TNIP1: variants seen among roughly 807,000 people sequenced by gnomAD.
The protein encoded by TNIP1 is TNFAIP3 interacting protein 1.
A neutral mutation model predicts 86.6 loss-of-function variants in TNIP1; 22 were observed. The observed-to-expected ratio is 0.25, with a 90% CI of 0.18 to 0.36. The LOEUF is 0.36. Ranked by LOEUF, TNIP1 falls within the 10% of genes least tolerant of loss-of-function variation. The pLI is 1.00. For synonymous variants in TNIP1, 294 were observed against 313.0 expected (o/e 0.94, Z 0.64); for missense variants, 709 against 820.6 (o/e 0.86, Z 1.66).
chr5:151,069,068 T>C (rs563038714), intron 1 of TNIP1, among the ~76,000 whole-genome samples: 2 of 152,150 alleles, frequency 1.3e-5, no homozygotes, highest in East Asian at 3.9e-4. Context: ...AGACGGCAGG[T>C]CAGGCAACAA....
intron 1 of TNIP1, among the ~76,000 whole-genome samples, chr5:151,073,117 G>A (rs1474728026): frequency 6.6e-6 from 1 of 151,960 alleles, no homozygotes; most frequent in Non-Finnish European, 1.5e-5. Context: ...AGCTACTGGG[G>A]AGGCTGAGGT....
intron 8 of TNIP1, among the ~76,000 whole-genome samples, chr5:151,048,245 G>C (rs1369851284): frequency 6.6e-6 from 1 of 152,200 alleles, no homozygotes; most frequent in Non-Finnish European, 1.5e-5. Context: ...CCGCGAGGGA[G>C]AGAGGAGTCC....
Position 151,036,349 on chromosome 5 carries a change from G to A in TNIP1, c.1395+441C>T, listed in dbSNP as rs559811154. Among the ~76,000 whole-genome samples, 103 of 152,274 alleles carry A rather than the reference G, an allele frequency of 6.8e-4. 1 individual carries two copies. The highest frequency in any genetic ancestry group is 2.4e-3 in the African/African-American group (101 of 41,554). ...ACCTGCCAATCTCCTTTAAATAAAGGAGAAAAGAACTCCAGTTCAGAGTCT... is the reference window on the plus strand; with the variant it reads ...ACCTGCCAATCTCCTTTAAATAAAGAAGAAAAGAACTCCAGTTCAGAGTCT... On this transcript the variant is annotated intron_variant, in intron 13 of 17. Transcript: ENST00000521591.
intron 16 of TNIP1, chr5:151,032,644 CATACTAT>C (rs1757053339): frequency 1.0e-5 from 5 of 501,620 alleles, no homozygotes; most frequent in Non-Finnish European, 1.8e-5. Context: ...TCTTAAGCGC[CATACTAT>C]ATACTCTGGT....
intron 14 of TNIP1, 146 bp downstream of exon 14, chr5:151,035,436 G>T: frequency 8.6e-7 from 1 of 1,161,060 alleles, no homozygotes; most frequent in Non-Finnish European, 1.2e-6. Flanking sequence ...GAGAGGGGAA[G>T]GGCCTTGCCG....
At chr5:151,087,619 C>T (rs1362478497), upstream of TNIP1, 2 of 152,202 alleles carry the variant, frequency 1.3e-5, no homozygotes, top group African/African-American at 4.8e-5. Context: ...TGAGGCTTCT[C>T]CATCCATAGT....
At chr5:151,049,980 C>T (rs769415553) in intron 7 of TNIP1, 33 bp from the exon 8 acceptor site, 1 of 1,613,080 alleles carries the variant, frequency 6.2e-7, no homozygotes, top group Non-Finnish European at 8.5e-7. Flanking sequence ...AATCACAATG[C>T]TGACCCTGAG....
chr5:151,083,901 G>A (rs916998525), upstream of TNIP1, among the ~76,000 whole-genome samples: 12 of 152,160 alleles, frequency 7.9e-5, no homozygotes, highest in Admixed American at 1.3e-4. Flanking sequence ...TGCTATCTCC[G>A]CGCTTTTATT....
chr5:151,057,842 G>C (rs1760880527), intron 5 of TNIP1, among the ~76,000 whole-genome samples: 1 of 152,192 alleles, frequency 6.6e-6, no homozygotes, highest in Non-Finnish European at 1.5e-5. Context: ...GTAATCTAGA[G>C]ATGATTTAAA....
intron 1 of TNIP1, among the ~76,000 whole-genome samples, chr5:151,071,667 C>T (rs1162931588): frequency 1.3e-5 from 2 of 152,160 alleles, no homozygotes; most frequent in Non-Finnish European, 2.9e-5. Flanking sequence ...CCTCAGCTGA[C>T]ATCCGCAGCC....
intron 5 of TNIP1, among the ~76,000 whole-genome samples, chr5:151,059,510 A>G (rs940600386): frequency 1.3e-5 from 2 of 152,240 alleles, no homozygotes; most frequent in African/African-American, 4.8e-5. Flanking sequence ...GGGAGGCAGC[A>G]GGGATCAATA....
rs193208475 is a variant in TNIP1 at position 151,041,163 on chromosome 5, C to T, written c.1134+1377G>A. 5.0e-3 allele frequency among the ~76,000 whole-genome samples: 764 copies of T among 152,000 alleles called. 7 individuals are homozygous for T. Among genetic ancestry groups the T allele is most frequent in the African/African-American group, 0.018 (731 of 41,438 alleles). The stretch of plus-strand genomic sequence containing the variant: ...TCAGCTCACTGCAACCTCCGCCTCC[C>T]GGGTTCAAGCGATTCTCGTGCCTCA... On this transcript the variant is annotated intron_variant, in intron 11 of 17. Transcript: ENST00000521591.
chr5:151,063,642 C>A lies in TNIP1; in HGVS notation c.242G>T (p.Gly81Val), dbSNP rs1458463016. Residue 81 changes from glycine to valine, a missense_variant, in exon 3 of 18, where the codon GGC becomes GTC. Physicochemically the swap from Gly to Val is moderately radical, Grantham distance 109. Transcript: ENST00000521591. ...ELLPPPSPSLGSFDPLAELTG... is the reference protein window; with the variant it reads ...ELLPPPSPSLVSFDPLAELTG... Reference sequence around the variant, plus strand: ...GAGCTCAGCCAGGGGGTCGAAGGAGCCCAAGGAGGGAGAAGGTGGTGGGAG... The same window carrying A: ...GAGCTCAGCCAGGGGGTCGAAGGAGACCAAGGAGGGAGAAGGTGGTGGGAG... 6.2e-7 allele frequency: 1 copy of A among 1,614,062 alleles called. No individual in the cohort carries two copies. The highest frequency in any genetic ancestry group is 1.1e-5 in the South Asian group (1 of 91,074).
chr5:151,055,689 G>A (rs1760567060), intron 6 of TNIP1, among the ~76,000 whole-genome samples: 1 of 152,148 alleles, frequency 6.6e-6, no homozygotes, highest in Non-Finnish European at 1.5e-5. Context: ...GGCAACCAAG[G>A]TCACGCAAGG....
rs375194956 is a variant in TNIP1, at chr5:151,030,792, G to C, written c.1877-45C>G. 1.1e-5 allele frequency: 16 copies of C among 1,510,322 alleles called. No homozygotes were observed. In the African/African-American group the frequency reaches 1.7e-4, roughly 16 times the overall value. 93.6% of individuals were successfully genotyped at this position (1,510,322 alleles called of 1,614,324 possible). A position where few individuals can be genotyped will look rare whatever the true frequency, so the allele number is the denominator to read the frequency against. On this transcript the variant is annotated intron_variant, in intron 17 of 17. Coordinates refer to ENST00000521591, the MANE Select transcript of TNIP1 (RefSeq NM_006058.5). ...GAGGACTTCATGATTATGTGGTAGA[G>C]CGAGTTTCAAAGTCTCTTATGGAAT...
chr5:151,070,987 T>C (rs750940582), intron 1 of TNIP1, among the ~76,000 whole-genome samples: 2 of 148,708 alleles, frequency 1.3e-5, no homozygotes, highest in Non-Finnish European at 3.0e-5. Flanking sequence ...TCTACCACTC[T>C]GGTGGAGGAT....
chr5:151,036,693 A>G, intron 13 of TNIP1, 97 bp downstream of exon 13: 2 of 1,582,234 alleles, frequency 1.3e-6, no homozygotes, highest in Non-Finnish European at 8.6e-7. Context: ...TGGATTACTA[A>G]TTACAGGTTC....
At chr5:151,087,420 G>C (rs2233280), upstream of TNIP1, among the ~76,000 whole-genome samples, 1,102 of 152,282 alleles carry the variant, frequency 7.2e-3, 14 homozygotes, top group African/African-American at 0.025. Flanking sequence ...CCTCAGCTGG[G>C]CTGGGAAAAG....
At chr5:151,059,825 G>GAA in intron 5 of TNIP1, among the ~76,000 whole-genome samples, 1 of 92,486 alleles carries the variant, frequency 1.1e-5, no homozygotes, top group Middle Eastern at 4.4e-3. Flanking sequence ...GAGAGAGAGA[G>GAA]AGAGTGTGTG....
Sources: gnomAD v4.1 joint callset for allele counts (sites outside exome capture counted in the v4.1 genomes callset) on GRCh38, gnomAD v4.1.1 for gene constraint, MANE v1.5 for transcripts, NCBI Gene and HGNC (gene_info 2026-07-23, HGNC 2026-07-21) for gene names.